The following TEX2 variants were observed in gnomAD, a reference collection of about 807,000 sequenced individuals.
TEX2 encodes testis expressed 2.
Under a neutral mutation model 106.9 loss-of-function variants are expected in TEX2, and 53 were observed. That is an observed-to-expected ratio of 0.50 (90% confidence interval 0.40 to 0.62). TEX2 has a LOEUF of 0.62. Among genes scored for constraint, TEX2 ranks in the 20% least tolerant of loss-of-function variants. TEX2 has a pLI of 0.00. For synonymous variants in TEX2, 523 were observed against 534.8 expected (o/e 0.98, Z 0.30); for missense variants, 1,207 against 1,379.0 (o/e 0.88, Z 1.98).
At chr17:64,191,043 CA>C (rs1172836618) in intron 4 of TEX2, among the ~76,000 whole-genome samples, 7 of 152,218 alleles carry the variant, frequency 4.6e-5, no homozygotes, top group Non-Finnish European at 1.0e-4. Context: ...AAGAACAGCA[CA>C]GTGCTCACCA....
At chr17:64,222,320 A>G (rs2033379732) in intron 1 of TEX2, among the ~76,000 whole-genome samples, 1 of 152,010 alleles carries the variant, frequency 6.6e-6, no homozygotes, top group Admixed American at 6.6e-5. Flanking sequence ...AGAGATTGAG[A>G]CCATCCTGGC....
Position 64,202,638 on chromosome 17 carries a change from G to A in TEX2, c.1645-7543C>T, listed in dbSNP as rs782547897. 6.0e-4 allele frequency among the ~76,000 whole-genome samples: 91 copies of A among 152,190 alleles called. 3 individuals are homozygous for A. Among genetic ancestry groups the A allele is most frequent in the Non-Finnish European group, 4.0e-4 (27 of 68,046 alleles). ...ATAGTGCCCAACTATCCACTGCTCA[G>A]CTGTTCTAAAATTCTTAAGCCTGAA... On this transcript the variant is annotated intron_variant, in intron 2 of 11. Coordinates refer to ENST00000584379, the MANE Select transcript of TEX2 (RefSeq NM_001288732.2).
At chr17:64,156,431 T>C (rs2030632058) in intron 8 of TEX2, among the ~76,000 whole-genome samples, 1 of 152,114 alleles carries the variant, frequency 6.6e-6, no homozygotes, top group Non-Finnish European at 1.5e-5. Flanking sequence ...TCCCTGGCCA[T>C]GGGACAGCAC....
intron 1 of TEX2, 128 bp from the exon 2 acceptor site, chr17:64,214,370 C>T: frequency 1.3e-6 from 1 of 746,096 alleles, no homozygotes; most frequent in South Asian, 1.9e-5. Context: ...CAGATGTCCA[C>T]CGTTTTTCAC....
chr17:64,193,532 A>T (rs2032368288), intron 4 of TEX2, 27 bp downstream of exon 4: 1 of 1,401,608 alleles, frequency 7.1e-7, no homozygotes, highest in Non-Finnish European at 9.4e-7. Flanking sequence ...TTAAAAATGC[A>T]TAAGCATTTA....
chr17:64,175,969 G>C (rs1170821204), intron 6 of TEX2, among the ~76,000 whole-genome samples: 1 of 152,202 alleles, frequency 6.6e-6, no homozygotes, highest in Non-Finnish European at 1.5e-5. Flanking sequence ...CCAAAAATGG[G>C]GAGAGGCTGA....
chr17:64,214,311 A>G (rs1251778430), intron 1 of TEX2, 69 bp from the exon 2 acceptor site: 5 of 1,321,298 alleles, frequency 3.8e-6, no homozygotes, highest in East Asian at 2.3e-5. Flanking sequence ...TCATTCGCAG[A>G]TAGGAGCACA....
chr17:64,168,373 C>T (rs2031237754), intron 7 of TEX2, among the ~76,000 whole-genome samples: 1 of 152,216 alleles, frequency 6.6e-6, no homozygotes, highest in Non-Finnish European at 1.5e-5. Context: ...ACCATTTTCT[C>T]CCTTGTTACA....
chr17:64,165,240 CTCAT>C (rs2031071530), intron 7 of TEX2, among the ~76,000 whole-genome samples: 1 of 152,202 alleles, frequency 6.6e-6, no homozygotes, highest in African/African-American at 2.4e-5. Context: ...TGCCATATTG[CTCAT>C]TCAGATACTA....
chr17:64,260,644 A>G (rs1052873774), intron 1 of TEX2, among the ~76,000 whole-genome samples: 17 of 152,208 alleles, frequency 1.1e-4, no homozygotes, highest in South Asian at 1.0e-3. Context: ...GAGGATATAT[A>G]CATAAGGGGC....
chr17:64,232,882 G>T (rs1473175142), intron 1 of TEX2, among the ~76,000 whole-genome samples: 1 of 152,134 alleles, frequency 6.6e-6, no homozygotes, highest in Non-Finnish European at 1.5e-5. Flanking sequence ...TTTGCAGATG[G>T]CATGAGCCCA....
At chr17:64,231,261 C>A (rs1465182667) in intron 1 of TEX2, among the ~76,000 whole-genome samples, 2 of 152,230 alleles carry the variant, frequency 1.3e-5, no homozygotes, top group Non-Finnish European at 2.9e-5. Context: ...GGCTCTCTAT[C>A]CCAGTGCTTC....
chr17:64,151,456 T>C (rs2030350419), intron 10 of TEX2, among the ~76,000 whole-genome samples: 1 of 152,114 alleles, frequency 6.6e-6, no homozygotes, highest in Non-Finnish European at 1.5e-5. Flanking sequence ...TCAATAAGGT[T>C]TGAAACCTGT....
intron 1 of TEX2, among the ~76,000 whole-genome samples, chr17:64,234,551 C>T (rs368401785): frequency 5.3e-5 from 8 of 152,170 alleles, no homozygotes; most frequent in Admixed American, 1.3e-4. Flanking sequence ...TCCTCCATGG[C>T]GCAGCTGACA....
At chr17:64,212,541 T>C (rs1348154832) in intron 2 of TEX2, 33 bp downstream of exon 2, 1 of 1,557,480 alleles carries the variant, frequency 6.4e-7, no homozygotes, top group African/African-American at 1.4e-5. Context: ...GTGAGAAGTG[T>C]GTGTACTAGC....
chr17:64,155,353 G>A (rs12450577), intron 8 of TEX2: 64,968 of 163,818 alleles, frequency 0.4, 15,611 homozygotes, highest in East Asian at 0.71. Flanking sequence ...ATGGTTGCAA[G>A]AGTGAGGTGA....
rs2030309290 is a variant in TEX2 at position 64,150,735 on chromosome 17, A to T, written c.3261+106T>A. On this transcript the variant is annotated intron_variant, in intron 11 of 11. Coordinates refer to ENST00000584379, the MANE Select transcript of TEX2 (RefSeq NM_001288732.2). ...ATACTCTTCCGGGATGAAGGTCACC[A>T]TCAGATTTTCAAAAGAGGATCCTGA... The T allele has an allele frequency of 2.4e-6, 3 of 1,255,068 alleles. No homozygotes were observed. In the African/African-American group the frequency reaches 4.5e-5, roughly 19 times the overall value. 77.7% of individuals were successfully genotyped at this position (1,255,068 alleles called of 1,614,324 possible).
At chr17:64,177,606 A>G (rs1349873987) in intron 5 of TEX2, 135 bp from the exon 6 acceptor site, 1 of 904,074 alleles carries the variant, frequency 1.1e-6, no homozygotes, top group Non-Finnish European at 1.7e-6. Flanking sequence ...TTCCCTATAA[A>G]TTACAAGTCC....
chr17:64,259,935 C>T (rs1169201423), intron 1 of TEX2, among the ~76,000 whole-genome samples: 2 of 152,162 alleles, frequency 1.3e-5, no homozygotes, highest in Non-Finnish European at 2.9e-5. Context: ...GTTAACATTA[C>T]ATAAATTACA....
Sources: allele counts gnomAD v4.1 joint callset (sites outside exome capture counted in the v4.1 genomes callset), GRCh38; gene constraint gnomAD v4.1.1; transcripts MANE v1.5; gene names NCBI Gene and HGNC (gene_info 2026-07-23, HGNC 2026-07-21).